Variants in SMC5 observed in about 807,000 individuals in gnomAD.
The protein encoded by SMC5 is structural maintenance of chromosomes protein 5.
SMC5 carries 88 observed loss-of-function variants against 148.3 expected under a neutral mutation model. The ratio of observed to expected loss-of-function variants is 0.59; its 90% CI spans 0.50 to 0.71. The LOEUF is 0.71. Among genes scored for constraint, SMC5 ranks in the 30% least tolerant of loss-of-function variants. The pLI is 0.00. For synonymous variants in SMC5, 421 were observed against 432.8 expected (o/e 0.97, Z 0.34); for missense variants, 1,142 against 1,298.9 (o/e 0.88, Z 1.86).
At chr9:70,292,524 A>G (rs1564035179) in intron 8 of SMC5, among the ~76,000 whole-genome samples, 1 of 152,142 alleles carries the variant, frequency 6.6e-6, no homozygotes, top group Non-Finnish European at 1.5e-5. Context: ...ATTGGCTACA[A>G]CTTCAGCACT....
intron 17 of SMC5, among the ~76,000 whole-genome samples, chr9:70,342,052 T>C (rs909594625): frequency 2.0e-5 from 3 of 150,560 alleles, no homozygotes; most frequent in Non-Finnish European, 4.4e-5. Context: ...TGGAATACTA[T>C]GCAGCCATAA....
intron 7 of SMC5, 57 bp downstream of exon 7, chr9:70,282,640 A>C (rs1202421551): frequency 6.7e-7 from 1 of 1,483,540 alleles, no homozygotes; most frequent in South Asian, 1.3e-5. Flanking sequence ...AATATAAAAA[A>C]TATTTTGCAG....
chr9:70,326,823 C>T (rs964145916), intron 17 of SMC5, among the ~76,000 whole-genome samples: 1 of 150,870 alleles, frequency 6.6e-6, no homozygotes, highest in African/African-American at 2.4e-5. Flanking sequence ...AAAATTATTC[C>T]AAATGACTAT....
intron 11 of SMC5, among the ~76,000 whole-genome samples, chr9:70,307,846 C>T (rs574357970): frequency 6.6e-6 from 1 of 152,166 alleles, no homozygotes; most frequent in East Asian, 1.9e-4. Context: ...CATATTTGGC[C>T]AGTGAGACCA....
chr9:70,350,546 A>G, intron 24 of SMC5, 75 bp downstream of exon 24: 1 of 950,212 alleles, frequency 1.1e-6, no homozygotes, highest in East Asian at 2.6e-5. Flanking sequence ...TTTTTGTCCC[A>G]ACATGCACAT....
intron 10 of SMC5, among the ~76,000 whole-genome samples, chr9:70,303,291 A>G (rs978174178): frequency 2.0e-5 from 3 of 150,532 alleles, no homozygotes; most frequent in African/African-American, 7.3e-5. Flanking sequence ...TAAGTCCTAG[A>G]CTGGCTTATC....
At chr9:70,333,753 C>T (rs1425615689) in intron 17 of SMC5, among the ~76,000 whole-genome samples, 2 of 151,866 alleles carry the variant, frequency 1.3e-5, no homozygotes, top group African/African-American at 4.8e-5. Context: ...GAAAAAAATA[C>T]TAGGGATATA....
At chr9:70,330,278 G>C (rs1447812840) in intron 17 of SMC5, among the ~76,000 whole-genome samples, 1 of 152,136 alleles carries the variant, frequency 6.6e-6, no homozygotes, top group South Asian at 2.1e-4. Flanking sequence ...CCTGTTAGAT[G>C]TCAGTAGTAC....
chr9:70,349,181 T>G (rs191701210), intron 22 of SMC5, among the ~76,000 whole-genome samples: 3 of 152,184 alleles, frequency 2.0e-5, no homozygotes, highest in African/African-American at 7.2e-5. Context: ...ATTCTTCGGC[T>G]TCAGACTCCC....
At chr9:70,346,680 T>C in intron 19 of SMC5, 31 bp downstream of exon 19, 1 of 1,611,998 alleles carries the variant, frequency 6.2e-7, no homozygotes, top group South Asian at 1.1e-5. Flanking sequence ...TTTCCCAAGC[T>C]CCTGTTTTCC....
At position 70,344,170 on chromosome 9, in the gene SMC5, TAGAC is replaced by T. The variant is rs779499324; in HGVS notation, c.2428_2431del (p.Gln810AspfsTer10). On this transcript the variant is annotated frameshift_variant, in exon 18 of 25. Coordinates refer to ENST00000361138, the MANE Select transcript of SMC5 (RefSeq NM_015110.4). LOFTEE classifies it high-confidence loss of function. ...AACATTTCATTGAATTGGATGAAAA[TAGAC>T]AGAGATTATTGCAGAAATGCAAGGA... 17 of 1,546,354 alleles carry T rather than the reference TAGAC, an allele frequency of 1.1e-5. No homozygotes were observed. Among genetic ancestry groups the T allele is most frequent in the Non-Finnish European group, 1.4e-5 (16 of 1,144,812 alleles).
chr9:70,317,486 C>A (rs1006045757), intron 13 of SMC5, among the ~76,000 whole-genome samples: 1 of 152,116 alleles, frequency 6.6e-6, no homozygotes, highest in Non-Finnish European at 1.5e-5. Flanking sequence ...TCCAGTCTAT[C>A]CCTTTTTTTC....
intron 13 of SMC5, among the ~76,000 whole-genome samples, chr9:70,316,891 T>G (rs1271155604): frequency 6.6e-6 from 1 of 152,098 alleles, no homozygotes; most frequent in Non-Finnish European, 1.5e-5. Flanking sequence ...AATTCTTTTC[T>G]TCCCATTTCT....
intron 8 of SMC5, chr9:70,286,821 A>G (rs1238769446): frequency 6.6e-6 from 1 of 151,024 alleles, no homozygotes; most frequent in Non-Finnish European, 1.5e-5. Context: ...GGCTCAAATA[A>G]TCCTCCCACC....
intron 22 of SMC5, 114 bp downstream of exon 22, chr9:70,348,152 T>C: frequency 9.6e-7 from 1 of 1,045,268 alleles, no homozygotes; most frequent in South Asian, 2.2e-5. Context: ...AAGTTTTGTT[T>C]ACCAAAATGT....
chr9:70,326,248 G>C (rs2036071869), intron 17 of SMC5, among the ~76,000 whole-genome samples: 1 of 152,092 alleles, frequency 6.6e-6, no homozygotes, highest in Non-Finnish European at 1.5e-5. Flanking sequence ...GATCTTTTTG[G>C]TGATGGAAAT....
intron 14 of SMC5, 26 bp from the exon 15 acceptor site, chr9:70,318,768 G>T (rs1404235692): frequency 1.9e-6 from 3 of 1,549,082 alleles, no homozygotes; most frequent in African/African-American, 1.4e-5. Context: ...TTTTAAATAT[G>T]TTAACAATTT....
intron 13 of SMC5, among the ~76,000 whole-genome samples, 173 bp downstream of exon 13, chr9:70,315,751 G>A (rs1336992778): frequency 6.6e-6 from 1 of 152,034 alleles, no homozygotes; most frequent in South Asian, 2.1e-4. Flanking sequence ...AACATTGACT[G>A]TTAACTAATA....
intron 1 of SMC5, among the ~76,000 whole-genome samples, chr9:70,261,127 A>G (rs1039646309): frequency 1.3e-5 from 2 of 152,252 alleles, no homozygotes; most frequent in Non-Finnish European, 2.9e-5. Context: ...GAAAGCGTCA[A>G]GTATTTTAGT....
Sources: allele counts gnomAD v4.1 joint callset (sites outside exome capture counted in the v4.1 genomes callset), GRCh38; gene constraint gnomAD v4.1.1; transcripts MANE v1.5; gene names NCBI Gene and HGNC (gene_info 2026-07-23, HGNC 2026-07-21).